Variants in LPA observed in about 807,000 individuals in gnomAD.
LPA encodes lipoprotein(a).
LPA carries 199 observed loss-of-function variants against 197.9 expected under a neutral mutation model. The observed-to-expected ratio is 1.01, with a 90% confidence interval of 0.90 to 1.13. The LOEUF is 1.13. Ranked by LOEUF, LPA falls within the 50% of genes most tolerant of loss-of-function variation. The probability of loss-of-function intolerance (pLI) is 0.00; values close to 1 mark genes in which losing one functional copy is unlikely to be tolerated. For missense variants in LPA, 1,853 were observed against 1,785.8 expected (o/e 1.04, Z -0.68); for synonymous variants, 715 against 639.5 (o/e 1.12, Z -1.78).
intron 33 of LPA, among the ~76,000 whole-genome samples, chr6:160,543,934 A>G (rs1778023240): frequency 6.6e-6 from 1 of 152,072 alleles, no homozygotes; most frequent in Non-Finnish European, 1.5e-5. Context: ...TCTGATGGGA[A>G]CCCTCCTCAC....
chr6:160,553,673 A>G (rs980967587), intron 30 of LPA, among the ~76,000 whole-genome samples: 2 of 152,160 alleles, frequency 1.3e-5, no homozygotes, highest in African/African-American at 4.8e-5. Context: ...AATGTACCCA[A>G]GTAAATCATA....
intron 1 of LPA, among the ~76,000 whole-genome samples, chr6:160,662,771 G>T (rs1202456473): frequency 6.6e-6 from 1 of 152,092 alleles, no homozygotes; most frequent in African/African-American, 2.4e-5. Flanking sequence ...AAATGTGTTT[G>T]ACTTTAAAGT....
At chr6:160,590,488 T>C (rs1583601884) in intron 23 of LPA, among the ~76,000 whole-genome samples, 1 of 152,218 alleles carries the variant, frequency 6.6e-6, no homozygotes, top group East Asian at 1.9e-4. Context: ...GATATGGAAC[T>C]AAGTAAAGTC....
At chr6:160,654,051 A>T (rs59641331) in intron 1 of LPA, among the ~76,000 whole-genome samples, 1,768 of 6,952 alleles carry the variant, frequency 0.25, 306 homozygotes, top group African/African-American at 0.42. Context: ...ATAATATATA[A>T]TATATTATAT....
chr6:160,597,196 T>C (rs1404340704), intron 20 of LPA, among the ~76,000 whole-genome samples: 1 of 152,226 alleles, frequency 6.6e-6, no homozygotes, highest in Non-Finnish European at 1.5e-5. Context: ...AGAACAAAGA[T>C]ACTATGTCTA....
At chr6:160,561,144 C>T (rs749016013) in intron 28 of LPA, among the ~76,000 whole-genome samples, 34 of 152,128 alleles carry the variant, frequency 2.2e-4, no homozygotes, top group Non-Finnish European at 4.4e-4. Flanking sequence ...CTCCTGACCT[C>T]GTGATCCATC....
intron 28 of LPA, among the ~76,000 whole-genome samples, chr6:160,562,237 G>A (rs919461599): frequency 6.6e-6 from 1 of 152,146 alleles, no homozygotes; most frequent in Non-Finnish European, 1.5e-5. Flanking sequence ...TTTGAGACAT[G>A]CTCCATCAAT....
rs1419611764 is a variant in LPA, at chr6:160,658,289, T to G, written c.49+5877A>C. 2.6e-5 allele frequency among the ~76,000 whole-genome samples: 4 copies of G among 152,302 alleles called. No individual in the cohort carries two copies. The South Asian group carries it at 8.3e-4, about 32-fold the overall frequency. Reference sequence around the variant, plus strand: ...ATTTTTTTCCAGTCAATGCCCTCACTTTAACAGTAAACACCTGGCAAGGCT... The same window carrying G: ...ATTTTTTTCCAGTCAATGCCCTCACGTTAACAGTAAACACCTGGCAAGGCT... On this transcript the variant is annotated intron_variant, in intron 1 of 38. Transcript: ENST00000316300.
chr6:160,602,779 C>T (rs1211693569), intron 18 of LPA, among the ~76,000 whole-genome samples: 2 of 152,132 alleles, frequency 1.3e-5, no homozygotes, highest in African/African-American at 2.4e-5. Context: ...ATGTAGCATT[C>T]TCATTTGATC....
Position 160,557,589 on chromosome 6 carries a change from A to G in LPA, c.4632-18T>C. On this transcript the variant is annotated intron_variant, in intron 28 of 38. Transcript: ENST00000316300. ...TCAGGCCACTGCAAATTCCAAAACAACACAGGTCACAAGAGGCGGGAAAAA... is the reference window on the plus strand; with the variant it reads ...TCAGGCCACTGCAAATTCCAAAACAGCACAGGTCACAAGAGGCGGGAAAAA... The G allele has an allele frequency of 6.2e-7, 1 of 1,613,626 alleles. No homozygotes were observed. Among genetic ancestry groups the G allele is most frequent in the African/African-American group, 1.3e-5 (1 of 75,006 alleles).
intron 16 of LPA, among the ~76,000 whole-genome samples, chr6:160,607,054 TTC>T (rs1779370521): frequency 6.6e-6 from 1 of 152,030 alleles, no homozygotes; most frequent in Admixed American, 6.5e-5. Context: ...ATTTATCTAG[TTC>T]TCCGTATCTC....
chr6:160,654,915 T>A lies in LPA; in HGVS notation c.50-4418A>T, dbSNP rs534527764. ...CAGTCCTTAGTCTTCCCTTCCTCTG[T>A]CAACTGATCATAGGGAACTCCCCAT... On this transcript the variant is annotated intron_variant, in intron 1 of 38. Coordinates refer to ENST00000316300, the MANE Select transcript of LPA (RefSeq NM_005577.4). Among the ~76,000 whole-genome samples the A allele has an allele frequency of 1.7e-3, 265 of 152,268 alleles. 1 individual carries two copies. The highest frequency in any genetic ancestry group is 3.2e-3 in the Non-Finnish European group (221 of 68,024).
chr6:160,565,513 C>T (rs1778435714), intron 28 of LPA, among the ~76,000 whole-genome samples: 1 of 152,106 alleles, frequency 6.6e-6, no homozygotes, highest in African/African-American at 2.4e-5. Context: ...ACACCAAAAC[C>T]CCATCTGTAC....
intron 22 of LPA, among the ~76,000 whole-genome samples, chr6:160,592,761 A>T (rs576483396): frequency 6.6e-6 from 1 of 152,260 alleles, no homozygotes; most frequent in Admixed American, 6.5e-5. Flanking sequence ...GGGTTGCTGG[A>T]GTGTTTCTGG....
At chr6:160,545,020 T>G (rs1465376308) in intron 33 of LPA, among the ~76,000 whole-genome samples, 3 of 152,170 alleles carry the variant, frequency 2.0e-5, no homozygotes, top group Non-Finnish European at 4.4e-5. Flanking sequence ...ACAATGTGCA[T>G]TACATGCTTA....
chr6:160,606,506 A>G lies in LPA; in HGVS notation c.2756T>C (p.Ile919Thr). Residue 919 changes from isoleucine (I) to threonine (T), a missense_variant, in exon 17 of 39, where the codon ATT becomes ACT. Physicochemically the swap from Ile to Thr is moderately conservative, Grantham distance 89 (BLOSUM62 -1). Around this residue, in one of 3 missense-constraint regions of LPA, gnomAD observed 1,737 missense variants for 1,504.4 expected, o/e 1.15. Coordinates refer to ENST00000316300, the MANE Select transcript of LPA (RefSeq NM_005577.4). ...TAVAPPTITP[I>T]PSLEAPSEQA... ...TTCAGAAGGAGCCTCTAGGCTTGGA[A>G]TCGGGGTAATAGTTGGAGGCGCGAC... is the stretch of plus-strand genomic sequence containing the variant. The G allele has an allele frequency of 6.2e-7, 1 of 1,613,570 alleles. No homozygotes were observed. Among genetic ancestry groups the G allele is most frequent in the Non-Finnish European group, 8.5e-7 (1 of 1,179,884 alleles).
intron 16 of LPA, among the ~76,000 whole-genome samples, chr6:160,608,294 T>G (rs1195774432): frequency 6.6e-6 from 1 of 152,130 alleles, no homozygotes; most frequent in African/African-American, 2.4e-5. Flanking sequence ...TTTCTTTGTT[T>G]GGGGCAGTGC....
intron 28 of LPA, among the ~76,000 whole-genome samples, chr6:160,568,747 C>T (rs969295321): frequency 2.6e-5 from 4 of 152,230 alleles, no homozygotes; most frequent in African/African-American, 9.6e-5. Flanking sequence ...CCCATCTTCT[C>T]AGACCAAAAT....
chr6:160,541,332 C>T, intron 34 of LPA, 151 bp from the exon 35 acceptor site: 2 of 691,210 alleles, frequency 2.9e-6, no homozygotes, highest in East Asian at 2.7e-5. Context: ...ATAGTAGAAA[C>T]TTCGAGCTGT....
Sources: allele counts gnomAD v4.1 joint callset (sites outside exome capture counted in the v4.1 genomes callset), GRCh38; gene constraint gnomAD v4.1.1; regional missense constraint gnomAD v4.1.1; transcripts MANE v1.5; gene names NCBI Gene and HGNC (gene_info 2026-07-23, HGNC 2026-07-21).